CNTNAP2: variants seen among roughly 807,000 people sequenced by gnomAD.
CNTNAP2 encodes the protein contactin-associated protein-like 2.
Under a neutral mutation model 155.2 loss-of-function variants are expected in CNTNAP2, and 98 were observed. That is an observed-to-expected ratio of 0.63 (90% CI 0.54 to 0.75). The LOEUF (loss-of-function observed/expected upper bound fraction) is 0.75. CNTNAP2 is among the 30% of genes least tolerant of loss of function. The probability of loss-of-function intolerance (pLI) is 0.00; values close to 1 mark genes in which losing one functional copy is unlikely to be tolerated. For synonymous variants in CNTNAP2, 651 were observed against 631.2 expected (o/e 1.03, Z -0.47); for missense variants, 1,727 against 1,688.1 (o/e 1.02, Z -0.40).
intron 15 of CNTNAP2, among the ~76,000 whole-genome samples, chr7:148,072,782 G>A (rs895206055): frequency 2.0e-5 from 3 of 152,060 alleles, no homozygotes; most frequent in Non-Finnish European, 4.4e-5. Context: ...ATCTTGGCTC[G>A]CTGCAACCTC....
At chr7:146,170,109 C>T (rs935264633) in intron 1 of CNTNAP2, among the ~76,000 whole-genome samples, 6 of 150,966 alleles carry the variant, frequency 4.0e-5, no homozygotes, top group African/African-American at 7.3e-5. Context: ...TCACTGCAAC[C>T]TCTGCCTCCT....
At position 148,397,353 on chromosome 7, in the gene CNTNAP2, A is replaced by G. The variant is rs116589509; in HGVS notation, c.3716-12038A>G. 5.3e-3 allele frequency among the ~76,000 whole-genome samples: 806 copies of G among 152,340 alleles called. 7 individuals are homozygous for G. The highest frequency in any genetic ancestry group is 0.018 in the African/African-American group (739 of 41,560). ...GACTGAGTTTATAGCACCTTACTCT[A>G]AAGTATGCAGAGACTAGCATTATGA... On this transcript the variant is annotated intron_variant, in intron 22 of 23. Transcript: ENST00000361727.
rs137977529 is a variant in CNTNAP2 at position 147,347,420 on chromosome 7, TTATATA to T, written c.1498+47144_1498+47149del. 3.9e-4 allele frequency among the ~76,000 whole-genome samples: 47 copies of T among 120,706 alleles called. 1 individual carries two copies. Among genetic ancestry groups the T allele is most frequent in the African/African-American group, 8.2e-4 (23 of 28,160 alleles). 79.2% of individuals were successfully genotyped at this position (120,706 alleles called of 152,430 possible). A position where few individuals can be genotyped will look rare whatever the true frequency, so the allele number is the denominator to read the frequency against. ...CTGTATTTCCTCTTATGTGAAAAGATTATATATATATATATATATGCATATATATAT... is the reference window on the plus strand; with the variant it reads ...CTGTATTTCCTCTTATGTGAAAAGATTATATATATATATGCATATATATAT... On this transcript the variant is annotated intron_variant, in intron 9 of 23. Transcript: ENST00000361727.
intron 1 of CNTNAP2, among the ~76,000 whole-genome samples, chr7:146,385,530 T>C (rs1795448152): frequency 6.6e-6 from 1 of 152,212 alleles, no homozygotes; most frequent in African/African-American, 2.4e-5. Context: ...TTTCAAAATA[T>C]GAAACAAAAC....
chr7:147,012,906 C>T (rs1189351520), intron 3 of CNTNAP2, among the ~76,000 whole-genome samples: 2 of 152,070 alleles, frequency 1.3e-5, no homozygotes, highest in Admixed American at 6.6e-5. Flanking sequence ...AGTGTAAACA[C>T]AGATGTGTAG....
chr7:146,193,466 A>C (rs900130748), intron 1 of CNTNAP2, among the ~76,000 whole-genome samples: 2 of 152,344 alleles, frequency 1.3e-5, no homozygotes, highest in South Asian at 4.1e-4. Flanking sequence ...TCAGTGCCAC[A>C]TGGAGGCTGC....
intron 1 of CNTNAP2, among the ~76,000 whole-genome samples, chr7:146,376,402 A>G (rs1198600240): frequency 1.3e-5 from 2 of 152,148 alleles, no homozygotes; most frequent in Admixed American, 1.3e-4. Context: ...TACAGAATAC[A>G]ACATGCTATA....
intron 4 of CNTNAP2, among the ~76,000 whole-genome samples, chr7:147,076,001 T>G (rs2129266905): frequency 6.6e-6 from 1 of 152,348 alleles, no homozygotes; most frequent in Middle Eastern, 3.4e-3. Context: ...ATGGTGTATA[T>G]ATGCCACATT....
intron 3 of CNTNAP2, among the ~76,000 whole-genome samples, chr7:147,014,414 C>T (rs1015644958): frequency 4.0e-5 from 6 of 151,836 alleles, no homozygotes; most frequent in Admixed American, 6.6e-5. Flanking sequence ...TAATATCTTA[C>T]GTTTTATCAG....
intron 8 of CNTNAP2, among the ~76,000 whole-genome samples, chr7:147,254,504 T>C (rs1720842753): frequency 6.6e-6 from 1 of 152,134 alleles, no homozygotes; most frequent in African/African-American, 2.4e-5. Context: ...TAAACAAACT[T>C]TTTTGGTTGA....
At chr7:146,411,817 T>C (rs896282640) in intron 1 of CNTNAP2, among the ~76,000 whole-genome samples, 1 of 115,314 alleles carries the variant, frequency 8.7e-6, no homozygotes, top group African/African-American at 5.1e-5. Context: ...TATTTTATTT[T>C]ATTTATTTAC....
chr7:147,531,477 A>G (rs1241720497), intron 11 of CNTNAP2, among the ~76,000 whole-genome samples: 1 of 152,198 alleles, frequency 6.6e-6, no homozygotes, highest in Non-Finnish European at 1.5e-5. Flanking sequence ...TCAACACCAC[A>G]TGGAATCTAC....
At chr7:146,347,597 G>A (rs1794838369) in intron 1 of CNTNAP2, among the ~76,000 whole-genome samples, 1 of 152,106 alleles carries the variant, frequency 6.6e-6, no homozygotes, top group African/African-American at 2.4e-5. Context: ...ACAGAGACTT[G>A]TTTTGTCACC....
chr7:146,751,024 G>A (rs959426990), intron 1 of CNTNAP2, among the ~76,000 whole-genome samples: 1 of 152,106 alleles, frequency 6.6e-6, no homozygotes, highest in African/African-American at 2.4e-5. Context: ...ATGTTTACAA[G>A]TGTTATCTTG....
At chr7:146,602,414 TAGAA>T (rs759660428) in intron 1 of CNTNAP2, among the ~76,000 whole-genome samples, 1 of 152,202 alleles carries the variant, frequency 6.6e-6, no homozygotes, top group African/African-American at 2.4e-5. Context: ...AGATAAGAGA[TAGAA>T]AGACAGCAAA....
intron 14 of CNTNAP2, among the ~76,000 whole-genome samples, chr7:147,921,373 C>T (rs1360158976): frequency 6.6e-6 from 1 of 152,152 alleles, no homozygotes; most frequent in Non-Finnish European, 1.5e-5. Context: ...ATAGCTAGGA[C>T]AGTGCCTGGA....
In CNTNAP2 at chr7:147,414,737, C is replaced by T. The variant is rs1031921863; in HGVS notation, c.1670+18957C>T. On this transcript the variant is annotated intron_variant, in intron 10 of 23. Transcript: ENST00000361727. ...TGGGCGGATCACGAGGTCAGGAGAT[C>T]GAGACTATCCTGGCTAACAAGGTGA... Among the ~76,000 whole-genome samples the T allele has an allele frequency of 1.1e-4, 17 of 151,660 alleles. No individual in the cohort carries two copies. The South Asian group carries it at 1.5e-3, about 13-fold the overall frequency.
At chr7:146,810,484 T>C (rs1393485974) in intron 2 of CNTNAP2, among the ~76,000 whole-genome samples, 1 of 152,114 alleles carries the variant, frequency 6.6e-6, no homozygotes, top group East Asian at 1.9e-4. Flanking sequence ...ATGTAGATTT[T>C]ATATGTAGAT....
At chr7:146,576,847 C>A (rs1169049596) in intron 1 of CNTNAP2, among the ~76,000 whole-genome samples, 1 of 152,008 alleles carries the variant, frequency 6.6e-6, no homozygotes, top group Non-Finnish European at 1.5e-5. Context: ...TGAATGAATT[C>A]TCTGTTGTAA....
Sources: gnomAD v4.1 joint callset for allele counts (sites outside exome capture counted in the v4.1 genomes callset) on GRCh38, gnomAD v4.1.1 for gene constraint, MANE v1.5 for transcripts, NCBI Gene and HGNC (gene_info 2026-07-23, HGNC 2026-07-21) for gene names.